ZC3H4: variants seen among roughly 807,000 people sequenced by gnomAD.
ZC3H4 encodes the protein zinc finger CCCH domain-containing protein 4.
Under a neutral mutation model 108.3 loss-of-function variants are expected in ZC3H4, and 13 were observed. That is an observed-to-expected ratio of 0.12 (90% confidence interval 0.08 to 0.19). The LOEUF is 0.19. ZC3H4 is among the 10% of genes least tolerant of loss of function. The probability of loss-of-function intolerance (pLI) is 1.00; values close to 1 mark genes in which losing one functional copy is unlikely to be tolerated. For synonymous variants in ZC3H4, 917 were observed against 749.6 expected (o/e 1.22, Z -3.65); for missense variants, 1,734 against 1,838.8 (o/e 0.94, Z 1.04).
rs1003836894 is a variant in ZC3H4 at position 47,100,410 on chromosome 19, G to A, written c.162-5802C>T. Reference sequence around the variant, plus strand: ...CTCAGGTGTCATCATAGCCTGCTCTGTGACATCATGCCATTTCCATGGTAA... The same window carrying A: ...CTCAGGTGTCATCATAGCCTGCTCTATGACATCATGCCATTTCCATGGTAA... On this transcript the variant is annotated intron_variant, in intron 2 of 14. Transcript: ENST00000253048. Among the ~76,000 whole-genome samples, 3 of 152,028 alleles carry A rather than the reference G, an allele frequency of 2.0e-5. No homozygotes were observed. The East Asian group carries it at 5.8e-4, about 29-fold the overall frequency.
At position 47,094,608 on chromosome 19, in the gene ZC3H4, C is replaced by G; in HGVS notation, c.162G>C (p.Arg54Ser). ...LHHRLPLPDD[R>S]EDGELEEGEL... ...CACCTTCTTCCAACTCTCCATCTTC[C>G]CTACAAACAAACCCCAATCCCACCA... The change falls in exon 3 of 15, where the codon AGG (arginine) becomes AGC (serine). Residue 54 changes from arginine (R) to serine (S), a missense_variant and splice_region_variant. Physicochemically the swap from Arg to Ser is moderately radical, Grantham distance 110. Coordinates refer to ENST00000253048, the MANE Select transcript of ZC3H4 (RefSeq NM_015168.2). 1 of 1,614,070 alleles carries G rather than the reference C, an allele frequency of 6.2e-7. No individual in the cohort carries two copies. The highest frequency in any genetic ancestry group is 8.5e-7 in the Non-Finnish European group (1 of 1,179,978).
chr19:47,081,912 C>T (rs1231178538), intron 10 of ZC3H4, among the ~76,000 whole-genome samples: 1 of 152,142 alleles, frequency 6.6e-6, no homozygotes, highest in Non-Finnish European at 1.5e-5. Flanking sequence ...TATAAAACCA[C>T]CTGGAAGAAT....
At chr19:47,084,509 G>A in intron 8 of ZC3H4, 54 bp from the exon 9 acceptor site, 1 of 1,581,508 alleles carries the variant, frequency 6.3e-7, no homozygotes, top group Non-Finnish European at 8.7e-7. Flanking sequence ...GGGTAGAGAT[G>A]GGATCGGGGT....
intron 11 of ZC3H4, among the ~76,000 whole-genome samples, chr19:47,073,354 G>A (rs1307400286): frequency 6.6e-6 from 1 of 152,144 alleles, no homozygotes; most frequent in Non-Finnish European, 1.5e-5. Flanking sequence ...CAGATCACCT[G>A]AGGTCAGGAG....
Position 47,066,801 on chromosome 19 carries a change from G to A in ZC3H4, c.3467C>T (p.Ala1156Val), listed in dbSNP as rs372125545. Residue 1156 changes from alanine to valine, a missense_variant, in exon 15 of 15, where the codon GCG becomes GTG. Physicochemically the swap from Ala to Val is moderately conservative, Grantham distance 64. This residue lies in a region of ZC3H4 where 518 missense variants were observed against 499.6 expected (regional missense o/e 1.04). Coordinates refer to ENST00000253048, the MANE Select transcript of ZC3H4 (RefSeq NM_015168.2). ...ISLYDPRTPN[A>V]GGKATEPAAD... Reference sequence around the variant, plus strand: ...AGCCGGCTCTGTGGCTTTGCCCCCCGCGTTGGGAGTCCTCGGGTCGTAGAG... The same window carrying A: ...AGCCGGCTCTGTGGCTTTGCCCCCCACGTTGGGAGTCCTCGGGTCGTAGAG... 1.1e-4 allele frequency: 176 copies of A among 1,600,466 alleles called. No individual in the cohort carries two copies. The African/African-American group carries it at 1.7e-3, about 15-fold the overall frequency.
At chr19:47,108,040 C>CT (rs1288193850) in intron 2 of ZC3H4, among the ~76,000 whole-genome samples, 1 of 152,174 alleles carries the variant, frequency 6.6e-6, no homozygotes, top group Non-Finnish European at 1.5e-5. Context: ...ATGAAACTGG[C>CT]TTCATACCAT....
rs756231772 is a variant in ZC3H4, at chr19:47,085,192, A to C, written c.971T>G (p.Leu324Arg). The C allele has an allele frequency of 6.2e-7, 1 of 1,610,762 alleles. No individual in the cohort carries two copies. Among genetic ancestry groups the C allele is most frequent in the Admixed American group, 1.7e-5 (1 of 59,900 alleles). The change falls in exon 8 of 15, where the codon CTA becomes CGA. Residue 324 changes from leucine to arginine, a missense_variant. Around this residue, in one of 9 missense-constraint regions of ZC3H4, gnomAD observed 403 missense variants for 457.0 expected, o/e 0.88. Transcript: ENST00000253048. ...GGAGCCCCTGCCACGGCCTCGACTT[A>C]GCCCTGTGGAGGGGAGATTGTGTGA... is the stretch of plus-strand genomic sequence containing the variant. ...RRSKDSRGRG[L>R]SRGRGRGSRG...
At chr19:47,096,830 T>C in intron 2 of ZC3H4, 1 of 985,406 alleles carries the variant, frequency 1.0e-6, no homozygotes, top group Non-Finnish European at 1.2e-6. Context: ...ACAAGAAACT[T>C]GGTCCACAAG....
Position 47,072,212 on chromosome 19 carries a change from G to A in ZC3H4, c.1803-91C>T. The A allele has an allele frequency of 2.8e-6, 4 of 1,404,878 alleles. No homozygotes were observed. The South Asian group carries it at 5.7e-5, about 20-fold the overall frequency. The allele number at this position is 1,404,878 out of a possible 1,614,324, so 87.0% of individuals were successfully genotyped here. A position where few individuals can be genotyped will look rare whatever the true frequency, so the allele number is the denominator to read the frequency against. On this transcript the variant is annotated intron_variant, in intron 12 of 14. Coordinates refer to ENST00000253048, the MANE Select transcript of ZC3H4 (RefSeq NM_015168.2). The surrounding 1 kb of genome is among the most constrained non-coding windows in gnomAD (Gnocchi z 5.6). ...AGAGGCGGAGGGCTGCAGAGCCGAA[G>A]GTCATGGGCCCCAGACCAGGACTCC...
rs934484883 is a variant in ZC3H4, at chr19:47,066,068, G to A, written c.*288C>T. 2 of 298,422 alleles carry A rather than the reference G, an allele frequency of 6.7e-6. No individual in the cohort carries two copies. The highest frequency in any genetic ancestry group is 4.3e-5 in the African/African-American group (2 of 46,076). 18.5% of individuals were successfully genotyped at this position (298,422 alleles called of 1,614,324 possible). A position where few individuals can be genotyped will look rare whatever the true frequency, so the allele number is the denominator to read the frequency against. ...GCCACGCAGAGCCCACAGAGTCTGAGGCCAGGCACTGGCGAAAGTTCACAG... is the reference window on the plus strand; with the variant it reads ...GCCACGCAGAGCCCACAGAGTCTGAAGCCAGGCACTGGCGAAAGTTCACAG... On this transcript the variant is annotated 3_prime_UTR_variant, in exon 15 of 15. Transcript: ENST00000253048.
At position 47,072,463 on chromosome 19, in the gene ZC3H4, G is replaced by A. The variant is rs2057347177; in HGVS notation, c.1691C>T (p.Pro564Leu). 1.3e-6 allele frequency: 2 copies of A among 1,568,542 alleles called. No individual in the cohort carries two copies. The highest frequency in any genetic ancestry group is 1.7e-6 in the Non-Finnish European group (2 of 1,153,804). Reference protein sequence around the residue: ...PPQMPMPVHEPLSPQQLQQQD... With the variant: ...PPQMPMPVHELLSPQQLQQQD... ...CTGCTGCAGCTGCTGCGGGGACAGT[G>A]GCTCATGCACCGGCATGGGCATCTG... is the stretch of plus-strand genomic sequence containing the variant. Residue 564 changes from proline to leucine, a missense_variant, in exon 12 of 15, where the codon CCA becomes CTA. Around this residue, in one of 9 missense-constraint regions of ZC3H4, gnomAD observed 75 missense variants for 85.8 expected, o/e 0.87. Transcript: ENST00000253048. This position sits in a 1 kb window ranked among gnomAD's most constrained non-coding sequence, Gnocchi z 5.6.
intron 2 of ZC3H4, chr19:47,097,068 A>G: frequency 2.3e-6 from 2 of 856,022 alleles, no homozygotes; most frequent in Non-Finnish European, 2.8e-6. Context: ...AAGGAACTCC[A>G]AGAGCCTTAA....
intron 2 of ZC3H4, among the ~76,000 whole-genome samples, chr19:47,097,225 A>C (rs2057836855): frequency 6.6e-6 from 1 of 152,254 alleles, no homozygotes; most frequent in Admixed American, 6.5e-5. Context: ...AAAGAGAATC[A>C]ACCATACAAC....
chr19:47,109,277 C>A (rs939541782), intron 2 of ZC3H4, among the ~76,000 whole-genome samples: 1 of 152,104 alleles, frequency 6.6e-6, no homozygotes, highest in Non-Finnish European at 1.5e-5. Flanking sequence ...AACAATAAAC[C>A]GTTGTGTTGA....
rs138726100 is a variant in ZC3H4, at chr19:47,113,705, GAAAAA to G, written c.-6+10_-6+14del. The G allele has an allele frequency of 6.7e-6, 1 of 149,464 alleles. No individual in the cohort carries two copies. The highest frequency in any genetic ancestry group is 2.5e-5 in the African/African-American group (1 of 40,666). 9.3% of individuals were successfully genotyped at this position (149,464 alleles called of 1,614,324 possible). On this transcript the variant is annotated intron_variant, in intron 1 of 14. Transcript: ENST00000253048. ...GGAAGGAATTCAGGCTACGGAGAGG[GAAAAA>G]AAAAATAACCGAAAGCTGGAGGCCA...
chr19:47,109,431 G>A (rs979798993), intron 2 of ZC3H4, among the ~76,000 whole-genome samples: 1 of 152,178 alleles, frequency 6.6e-6, no homozygotes, highest in African/African-American at 2.4e-5. Flanking sequence ...AGTAGCCTTT[G>A]GAACTTGGGT....
At chr19:47,075,692 C>A (rs75057303) in intron 11 of ZC3H4, among the ~76,000 whole-genome samples, 1 of 152,296 alleles carries the variant, frequency 6.6e-6, no homozygotes, top group East Asian at 1.9e-4. Context: ...CTCCTCAGCA[C>A]CCCCAGTGCC....
In ZC3H4 at chr19:47,066,575, G is replaced by T; in HGVS notation, c.3693C>A (p.Ala1231=). 1 of 1,587,680 alleles carries T rather than the reference G, an allele frequency of 6.3e-7. No homozygotes were observed. ...PRPKAAAAPA[A]TTATPPPEGA... ...CCTCGGGGGGTGGGGTGGCGGTGGT[G>T]GCAGCGGGGGCTGCAGCAGCCTTGG... is the stretch of plus-strand genomic sequence containing the variant. Residue 1231 remains alanine (A), a synonymous_variant, in exon 15 of 15, where the codon GCC becomes GCA. Coordinates refer to ENST00000253048, the MANE Select transcript of ZC3H4 (RefSeq NM_015168.2).
chr19:47,108,218 ACT>A (rs2123105935), intron 2 of ZC3H4, among the ~76,000 whole-genome samples: 1 of 146,036 alleles, frequency 6.8e-6, no homozygotes, highest in East Asian at 2.0e-4. Flanking sequence ...CTTGCTATTC[ACT>A]CTGTCACTCA....
Sources: gnomAD v4.1 joint callset for allele counts (sites outside exome capture counted in the v4.1 genomes callset) on GRCh38, gnomAD v4.1.1 for gene constraint, gnomAD v4.1.1 regional missense constraint, Gnocchi (gnomAD v3.1) non-coding constraint, MANE v1.5 for transcripts, NCBI Gene and HGNC (gene_info 2026-07-23, HGNC 2026-07-21) for gene names.